PHKB: variants seen among roughly 807,000 people sequenced by gnomAD.
PHKB encodes phosphorylase b kinase regulatory subunit beta.
A neutral mutation model predicts 152.1 loss-of-function variants in PHKB; 122 were observed. The observed-to-expected ratio is 0.80, with a 90% CI of 0.69 to 0.93. PHKB has a LOEUF of 0.93. PHKB is among the 40% of genes least tolerant of loss of function. The probability of loss-of-function intolerance (pLI) is 0.00; values close to 1 mark genes in which losing one functional copy is unlikely to be tolerated. For synonymous variants in PHKB, 436 were observed against 464.9 expected (o/e 0.94, Z 0.80); for missense variants, 1,304 against 1,328.4 (o/e 0.98, Z 0.29).
chr16:47,595,665 A>G (rs1019707926), intron 12 of PHKB, among the ~76,000 whole-genome samples: 9 of 152,216 alleles, frequency 5.9e-5, no homozygotes, highest in Non-Finnish European at 7.3e-5. Context: ...TCTACAGAAT[A>G]ATCCTATTAA....
At chr16:47,584,384 GC>G (rs1243283656) in intron 8 of PHKB, among the ~76,000 whole-genome samples, 1 of 152,092 alleles carries the variant, frequency 6.6e-6, no homozygotes, top group East Asian at 1.9e-4. Context: ...GTCATAGTAA[GC>G]AACAGTTTTG....
intron 1 of PHKB, among the ~76,000 whole-genome samples, chr16:47,496,666 T>A (rs1441580446): frequency 6.6e-6 from 1 of 152,236 alleles, no homozygotes; most frequent in Non-Finnish European, 1.5e-5. Flanking sequence ...CAGATGTCTG[T>A]CTTTCAGTTA....
chr16:47,476,089 C>T lies in PHKB; in HGVS notation c.76+14663C>T, dbSNP rs556084843. Among the ~76,000 whole-genome samples, 8 of 151,980 alleles carry T rather than the reference C, an allele frequency of 5.3e-5. 1 individual carries two copies. In the South Asian group the frequency reaches 1.7e-3, roughly 32 times the overall value. On this transcript the variant is annotated intron_variant, in intron 1 of 30. Transcript: ENST00000323584. ...CTTGCTATGTTGCCCAAGCTGGTCT[C>T]AAGCTCCTGTCCTCAAGCAATCCTT... is the stretch of plus-strand genomic sequence containing the variant.
intron 8 of PHKB, among the ~76,000 whole-genome samples, chr16:47,580,943 G>A (rs1971833804): frequency 1.3e-5 from 2 of 152,088 alleles, no homozygotes; most frequent in Non-Finnish European, 2.9e-5. Flanking sequence ...CTAATCAAGT[G>A]ACCATGGATT....
intron 14 of PHKB, among the ~76,000 whole-genome samples, chr16:47,636,589 C>T (rs1435832733): frequency 6.6e-6 from 1 of 152,356 alleles, no homozygotes; most frequent in South Asian, 2.1e-4. Context: ...TGTGACTGAG[C>T]CTGGGTGCTG....
chr16:47,666,092 C>A, intron 25 of PHKB: 1 of 1,227,208 alleles, frequency 8.1e-7, no homozygotes, highest in Non-Finnish European at 1.2e-6. Flanking sequence ...CTGGCTAGGA[C>A]CCTTAATTTT....
At chr16:47,621,538 G>A (rs1972617240) in intron 14 of PHKB, among the ~76,000 whole-genome samples, 1 of 152,064 alleles carries the variant, frequency 6.6e-6, no homozygotes. Context: ...GTGTTCTAAT[G>A]CTCTCAAATA....
chr16:47,618,712 T>C (rs940700651), intron 14 of PHKB, among the ~76,000 whole-genome samples: 1 of 152,214 alleles, frequency 6.6e-6, no homozygotes, highest in Non-Finnish European at 1.5e-5. Flanking sequence ...AGTGTCTGCT[T>C]TTCTACCCCC....
chr16:47,622,963 C>A (rs1420392084), intron 14 of PHKB, among the ~76,000 whole-genome samples: 2 of 152,140 alleles, frequency 1.3e-5, no homozygotes, highest in Non-Finnish European at 2.9e-5. Flanking sequence ...ATGAACACTG[C>A]ATATATGTGT....
intron 20 of PHKB, among the ~76,000 whole-genome samples, chr16:47,657,564 G>C (rs1597156028): frequency 6.6e-6 from 1 of 152,000 alleles, no homozygotes; most frequent in Admixed American, 6.6e-5. Flanking sequence ...CAAATTTGTT[G>C]TTAAGTATGC....
At chr16:47,602,027 C>T (rs1260456665) in intron 13 of PHKB, among the ~76,000 whole-genome samples, 1 of 152,092 alleles carries the variant, frequency 6.6e-6, no homozygotes, top group East Asian at 1.9e-4. Flanking sequence ...TCCCAGAATA[C>T]TCAGGTTAAT....
At chr16:47,527,696 TATAAAC>T (rs1465710019) in intron 6 of PHKB, among the ~76,000 whole-genome samples, 11 of 152,366 alleles carry the variant, frequency 7.2e-5, no homozygotes, top group African/African-American at 2.6e-4. Flanking sequence ...TATTTGGAGA[TATAAAC>T]ATAGTGTTTT....
chr16:47,489,051 T>C (rs1970100306), intron 1 of PHKB, among the ~76,000 whole-genome samples: 1 of 152,196 alleles, frequency 6.6e-6, no homozygotes, highest in Non-Finnish European at 1.5e-5. Flanking sequence ...GCTGTTTTTT[T>C]ATTTGTATTT....
chr16:47,568,063 G>A (rs144851810), intron 7 of PHKB, among the ~76,000 whole-genome samples: 3 of 152,232 alleles, frequency 2.0e-5, no homozygotes, highest in African/African-American at 7.2e-5. Flanking sequence ...TGTAGAATGA[G>A]TGAGGGAATC....
intron 1 of PHKB, among the ~76,000 whole-genome samples, chr16:47,479,800 A>AC (rs2151633079): frequency 6.6e-6 from 1 of 152,182 alleles, no homozygotes; most frequent in South Asian, 2.1e-4. Context: ...CCTGATTCCC[A>AC]CTGGGCATAA....
At chr16:47,591,687 C>T (rs746174551) in intron 10 of PHKB, among the ~76,000 whole-genome samples, 4 of 152,080 alleles carry the variant, frequency 2.6e-5, no homozygotes, top group South Asian at 4.1e-4. Context: ...GATCTCCATC[C>T]CTAACTCATA....
intron 6 of PHKB, among the ~76,000 whole-genome samples, chr16:47,546,689 T>G (rs1046686469): frequency 6.6e-6 from 1 of 152,126 alleles, no homozygotes; most frequent in South Asian, 2.1e-4. Context: ...GCTGCCTTTT[T>G]TTCACCTATG....
intron 13 of PHKB, among the ~76,000 whole-genome samples, chr16:47,609,439 G>A: frequency 8.1e-6 from 1 of 123,104 alleles, no homozygotes; most frequent in South Asian, 2.9e-4. Flanking sequence ...TTTTTTGTGG[G>A]TGGGGGGGGG....
At chr16:47,528,348 T>C (rs143131572) in intron 6 of PHKB, among the ~76,000 whole-genome samples, 1,718 of 152,312 alleles carry the variant, frequency 0.011, 41 homozygotes, top group African/African-American at 0.039. Context: ...TTCAGAAATC[T>C]TACTTTTTCT....
Sources: gnomAD v4.1 joint callset for allele counts (sites outside exome capture counted in the v4.1 genomes callset) on GRCh38, gnomAD v4.1.1 for gene constraint, MANE v1.5 for transcripts, NCBI Gene and HGNC (gene_info 2026-07-23, HGNC 2026-07-21) for gene names.